STX8: variants seen among roughly 807,000 people sequenced by gnomAD.
STX8 encodes the protein syntaxin-8.
In STX8, 23 loss-of-function variants were observed where a neutral mutation model predicts 37.5. That is an observed-to-expected ratio of 0.61 (90% CI 0.44 to 0.87). STX8 has a LOEUF of 0.87. Ranked by LOEUF, STX8 falls within the 40% of genes least tolerant of loss-of-function variation. The probability of loss-of-function intolerance (pLI) is 0.00; values close to 1 mark genes in which losing one functional copy is unlikely to be tolerated. For missense variants in STX8, 313 were observed against 284.7 expected (o/e 1.10, Z -0.71); for synonymous variants, 115 against 99.1 (o/e 1.16, Z -0.95).
chr17:9,319,190 C>T (rs578234455), intron 7 of STX8, among the ~76,000 whole-genome samples: 4 of 151,972 alleles, frequency 2.6e-5, no homozygotes, highest in Admixed American at 6.6e-5. Context: ...GAGGCCGAGG[C>T]GGGCGGATCA....
At chr17:9,466,131 C>T (rs988734613) in intron 6 of STX8, among the ~76,000 whole-genome samples, 18 of 152,208 alleles carry the variant, frequency 1.2e-4, no homozygotes, top group South Asian at 2.1e-4. Flanking sequence ...CCACCACACC[C>T]GGCTAATTTT....
chr17:9,331,012 A>AAGAG (rs751623579), intron 7 of STX8, among the ~76,000 whole-genome samples: 3 of 152,054 alleles, frequency 2.0e-5, no homozygotes, highest in Non-Finnish European at 4.4e-5. Context: ...ACCCCCTCTC[A>AAGAG]CTTTCCCTGC....
At position 9,546,590 on chromosome 17, in the gene STX8, GGTTTTTTTTT is replaced by G. The variant is rs1388843249; in HGVS notation, c.213-1318_213-1309del. ...CTTTCTTGATGCAAACTACAAAAGTGGTTTTTTTTTTTTTTTTTTTTTTTTGGAGACGGAG... is the reference window on the plus strand; with the variant it reads ...CTTTCTTGATGCAAACTACAAAAGTGTTTTTTTTTTTTTTTGGAGACGGAG... On this transcript the variant is annotated intron_variant, in intron 3 of 7. Coordinates refer to ENST00000306357, the MANE Select transcript of STX8 (RefSeq NM_004853.3). 1.6e-3 allele frequency among the ~76,000 whole-genome samples: 97 copies of G among 62,246 alleles called. 2 individuals carry two copies. Among genetic ancestry groups the G allele is most frequent in the South Asian group, 4.7e-3 (7 of 1,478 alleles). The allele number at this position is 62,246 out of a possible 152,430, so 40.8% of individuals were successfully genotyped here. A position where few individuals can be genotyped will look rare whatever the true frequency, so the allele number is the denominator to read the frequency against.
chr17:9,561,687 GAATA>G (rs1161927726), intron 2 of STX8, among the ~76,000 whole-genome samples: 2 of 77,948 alleles, frequency 2.6e-5, no homozygotes, highest in African/African-American at 9.6e-5. Flanking sequence ...AAAAAAAAAA[GAATA>G]GATATTCAAG....
At chr17:9,391,189 A>G (rs984843764) in intron 6 of STX8, among the ~76,000 whole-genome samples, 3 of 152,106 alleles carry the variant, frequency 2.0e-5, no homozygotes, top group Non-Finnish European at 4.4e-5. Context: ...TCGGTGGTTC[A>G]CAACTTGTAA....
At chr17:9,267,751 G>C (rs1371445387) in intron 7 of STX8, among the ~76,000 whole-genome samples, 6 of 152,200 alleles carry the variant, frequency 3.9e-5, no homozygotes, top group Non-Finnish European at 8.8e-5. Flanking sequence ...CACTTTGGGA[G>C]CCAGAGGCAG....
chr17:9,559,760 A>ATTTTTTTTTTTT (rs60856219), intron 2 of STX8, among the ~76,000 whole-genome samples: 2 of 24,494 alleles, frequency 8.2e-5, no homozygotes, highest in African/African-American at 3.8e-4. Context: ...ATATATATAT[A>ATTTTTTTTTTTT]TTTTTTTTTT....
At chr17:9,338,508 C>T (rs1358156439) in intron 7 of STX8, among the ~76,000 whole-genome samples, 1 of 152,138 alleles carries the variant, frequency 6.6e-6, no homozygotes, top group African/African-American at 2.4e-5. Context: ...CTCTTCCAGT[C>T]ATGGTGGCTG....
chr17:9,394,748 T>C lies in STX8; in HGVS notation c.542-16095A>G, dbSNP rs142070066. On this transcript the variant is annotated intron_variant, in intron 6 of 7. Coordinates refer to ENST00000306357, the MANE Select transcript of STX8 (RefSeq NM_004853.3). The stretch of plus-strand genomic sequence containing the variant: ...CAGATGCTAAGCCATTGTTTCTCAA[T>C]CTAGAGGCACAAACAGTTATAAAGT... Among the ~76,000 whole-genome samples the C allele has an allele frequency of 3.0e-3, 448 of 151,776 alleles. 3 individuals are homozygous for C. The highest frequency in any genetic ancestry group is 0.015 in the South Asian group (72 of 4,804).
chr17:9,433,386 G>A (rs1914043184), intron 6 of STX8, among the ~76,000 whole-genome samples: 3 of 152,186 alleles, frequency 2.0e-5, no homozygotes, highest in South Asian at 2.1e-4. Flanking sequence ...CTCAATTAGT[G>A]GTTTGGGATG....
chr17:9,461,120 T>C (rs1396826270), intron 6 of STX8: 5 of 152,064 alleles, frequency 3.3e-5, no homozygotes, highest in African/African-American at 1.2e-4. Flanking sequence ...TTTTAAATAA[T>C]AATATTCCCA....
intron 7 of STX8, among the ~76,000 whole-genome samples, chr17:9,343,552 G>A (rs752023382): frequency 1.3e-5 from 2 of 152,140 alleles, no homozygotes; most frequent in Non-Finnish European, 2.9e-5. Context: ...TTCACAGCTG[G>A]TTCCCATGCA....
At chr17:9,299,439 C>CTTTT (rs34149994) in intron 7 of STX8, among the ~76,000 whole-genome samples, 4 of 93,036 alleles carry the variant, frequency 4.3e-5, no homozygotes, top group African/African-American at 1.7e-4. Flanking sequence ...CATTCTTACG[C>CTTTT]TTTTTTTTTT....
intron 6 of STX8, among the ~76,000 whole-genome samples, chr17:9,435,198 C>T (rs534705837): frequency 6.6e-6 from 1 of 152,266 alleles, no homozygotes; most frequent in South Asian, 2.1e-4. Flanking sequence ...GGGAAAGATA[C>T]TGAGCCGTGT....
At chr17:9,312,603 G>A (rs947793120) in intron 7 of STX8, among the ~76,000 whole-genome samples, 6 of 152,204 alleles carry the variant, frequency 3.9e-5, no homozygotes, top group Non-Finnish European at 8.8e-5. Context: ...TACTCACTGA[G>A]TTGAGGCTTA....
chr17:9,471,031 CTTTTTTTTT>C (rs757411419), intron 6 of STX8, among the ~76,000 whole-genome samples: 3 of 33,054 alleles, frequency 9.1e-5, no homozygotes, highest in Non-Finnish European at 1.7e-4. Context: ...CTGCATCCTG[CTTTTTTTTT>C]TTTTTTTTTT....
chr17:9,456,604 C>G (rs1430578590), intron 6 of STX8, among the ~76,000 whole-genome samples: 1 of 152,134 alleles, frequency 6.6e-6, no homozygotes, highest in Admixed American at 6.5e-5. Flanking sequence ...AGGAAATCAT[C>G]TGGATTTGTA....
At chr17:9,370,516 A>T (rs957486962) in intron 7 of STX8, among the ~76,000 whole-genome samples, 13 of 152,220 alleles carry the variant, frequency 8.5e-5, no homozygotes, top group African/African-American at 3.1e-4. Context: ...CTCCCTAAGA[A>T]GATCACATTC....
chr17:9,455,447 C>A (rs910158540), intron 6 of STX8, among the ~76,000 whole-genome samples: 1 of 152,086 alleles, frequency 6.6e-6, no homozygotes. Context: ...TTGCAGTGAG[C>A]CGAGATCACG....
Sources: gnomAD v4.1 joint callset for allele counts (sites outside exome capture counted in the v4.1 genomes callset) on GRCh38, gnomAD v4.1.1 for gene constraint, MANE v1.5 for transcripts, NCBI Gene and HGNC (gene_info 2026-07-23, HGNC 2026-07-21) for gene names.